The following CATSPERT variants were observed in gnomAD, a reference collection of about 807,000 sequenced individuals.
CATSPERT encodes cation channel sperm-associated targeting subunit tau.
the CATSPERT span, among the ~76,000 whole-genome samples, chr2:201,506,170 G>T: frequency 6.6e-6 from 1 of 152,190 alleles, no homozygotes; most frequent in Non-Finnish European, 1.5e-5. Flanking sequence ...GGGAGGCTGA[G>T]GCAGGAGAAT....
the CATSPERT span, chr2:201,582,305 TA>T: frequency 8.1e-7 from 1 of 1,234,192 alleles, no homozygotes; most frequent in Non-Finnish European, 1.1e-6. Flanking sequence ...ATTACTATAT[TA>T]TGCAAATATT....
the CATSPERT span, among the ~76,000 whole-genome samples, chr2:201,501,536 C>T: frequency 6.8e-6 from 1 of 146,566 alleles, no homozygotes; most frequent in South Asian, 2.1e-4. Flanking sequence ...AGGAAGGAAA[C>T]AATAAAGATT....
chr2:201,565,227 T>A, the CATSPERT span, among the ~76,000 whole-genome samples: 1 of 151,742 alleles, frequency 6.6e-6, no homozygotes, highest in East Asian at 1.9e-4. Context: ...TCCCAGCACT[T>A]TCGGAGGCTG....
chr2:201,607,555 T>C, the CATSPERT span, among the ~76,000 whole-genome samples: 8 of 152,166 alleles, frequency 5.3e-5, 1 homozygote, highest in South Asian at 4.2e-4. Context: ...GGTAGGATCA[T>C]TGCTTGAGCC....
At chr2:201,609,284 T>A in the CATSPERT span, among the ~76,000 whole-genome samples, 3 of 152,184 alleles carry the variant, frequency 2.0e-5, no homozygotes, top group African/African-American at 7.2e-5. Context: ...ACAGATCATC[T>A]AGACAGAAAA....
At chr2:201,559,661 G>A in the CATSPERT span, among the ~76,000 whole-genome samples, 1 of 152,188 alleles carries the variant, frequency 6.6e-6, no homozygotes, top group Non-Finnish European at 1.5e-5. Flanking sequence ...ACTTGCAAAT[G>A]CCACTAATAT....
the CATSPERT span, among the ~76,000 whole-genome samples, chr2:201,593,039 G>A: frequency 6.6e-6 from 1 of 151,794 alleles, no homozygotes; most frequent in African/African-American, 2.4e-5. Flanking sequence ...GAATGTGTTT[G>A]CTCTTGCTTT....
chr2:201,605,414 C>A, the CATSPERT span, among the ~76,000 whole-genome samples: 2 of 152,012 alleles, frequency 1.3e-5, no homozygotes, highest in African/African-American at 2.4e-5. Flanking sequence ...GAAGAGGTAT[C>A]CCTGCATACA....
At chr2:201,502,264 T>C in the CATSPERT span, among the ~76,000 whole-genome samples, 5 of 152,208 alleles carry the variant, frequency 3.3e-5, no homozygotes, top group Non-Finnish European at 5.9e-5. Context: ...CATAGTCTTC[T>C]GCCTTTCATA....
chr2:201,537,396 AAAT>A, the CATSPERT span: 3 of 1,481,330 alleles, frequency 2.0e-6, no homozygotes, highest in Non-Finnish European at 2.8e-6. Context: ...TCCCTTTATA[AAAT>A]AATGACTATT....
At chr2:201,514,758 T>C in the CATSPERT span, among the ~76,000 whole-genome samples, 2 of 152,224 alleles carry the variant, frequency 1.3e-5, no homozygotes, top group East Asian at 3.8e-4. Flanking sequence ...TTTTTGGATC[T>C]GCATAGCTGG....
chr2:201,496,043 A>C, the CATSPERT span: 1 of 986,220 alleles, frequency 1.0e-6, no homozygotes, highest in Non-Finnish European at 1.5e-6. Context: ...TTCTTGCAAT[A>C]GTTATTAGAG....
the CATSPERT span, chr2:201,574,412 G>A: frequency 7.4e-5 from 44 of 594,006 alleles, 1 homozygote; most frequent in South Asian, 7.0e-4. Flanking sequence ...TTAAAAAAGC[G>A]TTTACACAAG....
At chr2:201,592,013 C>G in the CATSPERT span, among the ~76,000 whole-genome samples, 1 of 152,014 alleles carries the variant, frequency 6.6e-6, no homozygotes. Flanking sequence ...CCAGAACTTC[C>G]AACACTATGT....
chr2:201,491,074 G>T, the CATSPERT span: 1 of 1,086,200 alleles, frequency 9.2e-7, no homozygotes, highest in Non-Finnish European at 1.3e-6. Context: ...GGTAATTAAG[G>T]TTATACACAC....
the CATSPERT span, among the ~76,000 whole-genome samples, chr2:201,536,839 C>T: frequency 7.9e-5 from 12 of 151,768 alleles, 1 homozygote; most frequent in South Asian, 6.2e-4. Context: ...CCTTGAACTG[C>T]GGAAAACAGT....
chr2:201,495,801 T>C, the CATSPERT span: 4 of 780,218 alleles, frequency 5.1e-6, no homozygotes, highest in Non-Finnish European at 7.9e-6. Flanking sequence ...CAGGTGTTTC[T>C]AATGAGTAGC....
At chr2:201,600,076 C>T in the CATSPERT span, among the ~76,000 whole-genome samples, 1 of 152,012 alleles carries the variant, frequency 6.6e-6, no homozygotes, top group African/African-American at 2.4e-5. Context: ...CCCAGCGATC[C>T]CATTACTGGG....
At chr2:201,577,186 C>G in the CATSPERT span, among the ~76,000 whole-genome samples, 1 of 152,116 alleles carries the variant, frequency 6.6e-6, no homozygotes, top group African/African-American at 2.4e-5. Context: ...AAATGAACTT[C>G]ATGTTTAGAC....
Sources: allele counts gnomAD v4.1 joint callset (sites outside exome capture counted in the v4.1 genomes callset), GRCh38; gene constraint gnomAD v4.1.1; transcripts MANE v1.5; gene names NCBI Gene and HGNC (gene_info 2026-07-23, HGNC 2026-07-21).